Variants in CNTN6 observed in about 807,000 individuals in gnomAD.
The protein encoded by CNTN6 is contactin-6.
CNTN6 carries 137 observed loss-of-function variants against 122.8 expected under a neutral mutation model. The observed-to-expected ratio is 1.12, with a 90% confidence interval of 0.97 to 1.29. CNTN6 has a LOEUF of 1.29. Among genes scored for constraint, CNTN6 ranks in the 50% most tolerant of loss-of-function variants. The probability of loss-of-function intolerance (pLI) is 0.00; values close to 1 mark genes in which losing one functional copy is unlikely to be tolerated. For synonymous variants in CNTN6, 570 were observed against 426.0 expected (o/e 1.34, Z -4.16); for missense variants, 1,634 against 1,223.4 (o/e 1.34, Z -5.01).
chr3:1,219,349 A>G (rs968238353), intron 2 of CNTN6, among the ~76,000 whole-genome samples: 2 of 152,192 alleles, frequency 1.3e-5, no homozygotes, highest in Non-Finnish European at 2.9e-5. Context: ...TTGTAATGAA[A>G]GTGGTTTATT....
chr3:1,355,471 C>T (rs1277757395), intron 12 of CNTN6, among the ~76,000 whole-genome samples: 1 of 151,596 alleles, frequency 6.6e-6, no homozygotes, highest in Non-Finnish European at 1.5e-5. Flanking sequence ...TATTTTACAA[C>T]CTACAAATTT....
intron 11 of CNTN6, among the ~76,000 whole-genome samples, chr3:1,348,178 G>GAAAAAAAAAAAAAAAAAAAA (rs1705056524): frequency 1.5e-5 from 1 of 66,584 alleles, no homozygotes; most frequent in African/African-American, 9.5e-5. Flanking sequence ...AAAAAAAAAG[G>GAAAAAAAAAAAAAAAAAAAA]ACTTGGGCCA....
At chr3:1,327,607 C>T in intron 10 of CNTN6, 21 bp downstream of exon 10, 1 of 1,603,170 alleles carries the variant, frequency 6.2e-7, no homozygotes. Context: ...TATTTACAAC[C>T]AACAAATTCA....
chr3:1,319,554 CAA>C (rs983574023), intron 7 of CNTN6, among the ~76,000 whole-genome samples: 10 of 151,434 alleles, frequency 6.6e-5, no homozygotes, highest in African/African-American at 2.2e-4. Context: ...TCTTCACAAT[CAA>C]TATAAATAAC....
chr3:1,359,125 T>C (rs1343213321), intron 12 of CNTN6, among the ~76,000 whole-genome samples: 1 of 152,028 alleles, frequency 6.6e-6, no homozygotes, highest in African/African-American at 2.4e-5. Context: ...GAAGTTACTA[T>C]TGGAGAATAG....
Position 1,344,834 on chromosome 3 carries a change from A to G in CNTN6, c.1365-7490A>G, listed in dbSNP as rs541604486. On this transcript the variant is annotated intron_variant, in intron 11 of 22. Coordinates refer to ENST00000446702, the MANE Select transcript of CNTN6 (RefSeq NM_001289080.2). ...TGTTTCCTCTTGTTCAGAACTGATT[A>G]ACAATTGTCTGTGCCTGTGCTTTGC... Among the ~76,000 whole-genome samples the G allele has an allele frequency of 3.9e-5, 6 of 152,280 alleles. No homozygotes were observed. In the South Asian group the frequency reaches 1.2e-3, roughly 32 times the overall value.
chr3:1,215,268 C>T (rs2094114376), intron 2 of CNTN6, among the ~76,000 whole-genome samples: 1 of 152,212 alleles, frequency 6.6e-6, no homozygotes, highest in Non-Finnish European at 1.5e-5. Flanking sequence ...AACTCGGTGA[C>T]ATCAAGGATC....
intron 9 of CNTN6, among the ~76,000 whole-genome samples, chr3:1,327,246 A>G (rs555752042): frequency 6.6e-6 from 1 of 152,024 alleles, no homozygotes; most frequent in South Asian, 2.1e-4. Context: ...AAGAAATGAG[A>G]TAACATAAAA....
At chr3:1,382,766 C>T (rs1475985616) in intron 17 of CNTN6, among the ~76,000 whole-genome samples, 176 bp from the exon 18 acceptor site, 1 of 152,076 alleles carries the variant, frequency 6.6e-6, no homozygotes, top group Non-Finnish European at 1.5e-5. Context: ...GTATCTTTAA[C>T]TGGGATCATT....
chr3:1,330,099 CA>C (rs1160217907), intron 11 of CNTN6, among the ~76,000 whole-genome samples, 164 bp downstream of exon 11: 1 of 151,840 alleles, frequency 6.6e-6, no homozygotes, highest in Non-Finnish European at 1.5e-5. Flanking sequence ...TTGTAAAAAA[CA>C]AAAGGATCTT....
intron 7 of CNTN6, among the ~76,000 whole-genome samples, chr3:1,312,314 A>G (rs1288608145): frequency 6.6e-6 from 1 of 151,232 alleles, no homozygotes; most frequent in Non-Finnish European, 1.5e-5. Flanking sequence ...AAATCATCCA[A>G]GAAGAATATA....
intron 1 of CNTN6, among the ~76,000 whole-genome samples, chr3:1,099,813 G>A (rs976885572): frequency 2.6e-5 from 4 of 152,062 alleles, no homozygotes; most frequent in Non-Finnish European, 5.9e-5. Flanking sequence ...TTAGTAAACA[G>A]TCTTTTATTG....
intron 1 of CNTN6, among the ~76,000 whole-genome samples, chr3:1,127,589 A>G (rs1243035110): frequency 6.6e-6 from 1 of 151,928 alleles, no homozygotes; most frequent in Non-Finnish European, 1.5e-5. Context: ...ACACAACCAG[A>G]AGAAGCCTGT....
At chr3:1,303,224 T>C (rs1334456836) in intron 7 of CNTN6, among the ~76,000 whole-genome samples, 1 of 135,268 alleles carries the variant, frequency 7.4e-6, no homozygotes, top group Non-Finnish European at 1.6e-5. Flanking sequence ...GTCTGATAAC[T>C]GTTCAATTTT....
At chr3:1,384,788 T>TACACACACACACATATAG (rs1320311051) in intron 19 of CNTN6, among the ~76,000 whole-genome samples, 1 of 129,488 alleles carries the variant, frequency 7.7e-6, no homozygotes, top group African/African-American at 3.0e-5. Flanking sequence ...TATATATATA[T>TACACACACACACATATAG]ATATATATAC....
rs1413264771 is a variant in CNTN6, at chr3:1,314,588, G to C, written c.762-7062G>C. 2.0e-5 allele frequency among the ~76,000 whole-genome samples: 3 copies of C among 152,012 alleles called. No homozygotes were observed. In the East Asian group the frequency reaches 5.8e-4, roughly 29 times the overall value. The stretch of plus-strand genomic sequence containing the variant: ...GTGTGCTTCTACTAGTGTATGTAGA[G>C]CTTTAATTTAACTCGAAATCAGGAT... On this transcript the variant is annotated intron_variant, in intron 7 of 22. Coordinates refer to ENST00000446702, the MANE Select transcript of CNTN6 (RefSeq NM_001289080.2).
intron 4 of CNTN6, among the ~76,000 whole-genome samples, chr3:1,265,974 G>T (rs950731420): frequency 1.3e-5 from 2 of 150,954 alleles, no homozygotes; most frequent in African/African-American, 2.4e-5. Context: ...ATCACAAATA[G>T]AACAAAACTT....
intron 1 of CNTN6, among the ~76,000 whole-genome samples, chr3:1,144,970 T>A (rs7640516): frequency 2.0e-5 from 3 of 151,856 alleles, no homozygotes; most frequent in African/African-American, 7.3e-5. Context: ...GTATTTTAAA[T>A]AATTTTCTAG....
intron 20 of CNTN6, among the ~76,000 whole-genome samples, chr3:1,387,387 A>C (rs73817017): frequency 6.6e-6 from 1 of 152,098 alleles, no homozygotes; most frequent in East Asian, 1.9e-4. Flanking sequence ...AGTTGTTGCC[A>C]GATAACTTGG....
Sources: gnomAD v4.1 joint callset for allele counts (sites outside exome capture counted in the v4.1 genomes callset) on GRCh38, gnomAD v4.1.1 for gene constraint, MANE v1.5 for transcripts, NCBI Gene and HGNC (gene_info 2026-07-23, HGNC 2026-07-21) for gene names.